Variants in PLEKHA3 observed in about 807,000 individuals in gnomAD.
PLEKHA3 encodes pleckstrin homology domain-containing family A member 3.
A neutral mutation model predicts 39.2 loss-of-function variants in PLEKHA3; 19 were observed. That is an observed-to-expected ratio of 0.48 (90% confidence interval 0.34 to 0.71). PLEKHA3 has a LOEUF of 0.71. Ranked by LOEUF, PLEKHA3 falls within the 30% of genes least tolerant of loss-of-function variation. The probability of loss-of-function intolerance (pLI) is 0.01; values close to 1 mark genes in which losing one functional copy is unlikely to be tolerated. For missense variants in PLEKHA3, 253 were observed against 359.5 expected (o/e 0.70, Z 2.40); for synonymous variants, 97 against 118.6 (o/e 0.82, Z 1.18).
chr2:178,483,291 T>C (rs569012956), intron 1 of PLEKHA3, among the ~76,000 whole-genome samples: 1 of 151,448 alleles, frequency 6.6e-6, no homozygotes, highest in South Asian at 2.1e-4. Flanking sequence ...GAATCCTTTG[T>C]AGAGAGTAAG....
At chr2:178,494,562 A>G (rs115454500) in intron 4 of PLEKHA3, among the ~76,000 whole-genome samples, 695 of 152,250 alleles carry the variant, frequency 4.6e-3, no homozygotes, top group African/African-American at 0.016. Flanking sequence ...TGGGGCAAGA[A>G]ATCTTCCTAT....
At chr2:178,485,833 A>C in intron 2 of PLEKHA3, 76 bp downstream of exon 2, 2 of 1,115,080 alleles carry the variant, frequency 1.8e-6, no homozygotes, top group Non-Finnish European at 2.7e-6. Context: ...AGACGAGGAA[A>C]AAAAGCATTT....
Position 178,512,529 on chromosome 2 carries a change from G to A in PLEKHA3, c.*8642G>A, listed in dbSNP as rs1685705005. On this transcript the variant is annotated 3_prime_UTR_variant, in exon 8 of 8. Coordinates refer to ENST00000234453, the MANE Select transcript of PLEKHA3 (RefSeq NM_019091.4). ...TTACTCACTTAAATCTCAATATAAA[G>A]TATATTGCCAGATCTGGCAGCATGG... The A allele has an allele frequency of 6.6e-6, 1 of 152,272 alleles. No homozygotes were observed. The highest frequency in any genetic ancestry group is 2.4e-5 in the African/African-American group (1 of 41,428). 9.4% of individuals were successfully genotyped at this position (152,272 alleles called of 1,614,324 possible). A position where few individuals can be genotyped will look rare whatever the true frequency, so the allele number is the denominator to read the frequency against.
At chr2:178,503,661 A>T in intron 7 of PLEKHA3, 99 bp from the exon 8 acceptor site, 1 of 1,273,586 alleles carries the variant, frequency 7.9e-7, no homozygotes, top group Non-Finnish European at 1.1e-6. Flanking sequence ...AAGCTAAAGG[A>T]ATTTCATGTC....
rs1420229452 is a variant in PLEKHA3 at position 178,495,438 on chromosome 2, G to A, written c.451-58G>A. The A allele has an allele frequency of 1.3e-5, 20 of 1,483,998 alleles. 1 individual carries two copies. In the East Asian group the frequency reaches 3.9e-4, roughly 29 times the overall value. 91.9% of individuals were successfully genotyped at this position (1,483,998 alleles called of 1,614,324 possible). On this transcript the variant is annotated intron_variant, in intron 4 of 7. Transcript: ENST00000234453. The stretch of plus-strand genomic sequence containing the variant: ...TGTCTTATTATTTAATGATAAGGTT[G>A]TATATGATTCCATGTAGTTGTATGC...
chr2:178,499,367 G>A, intron 6 of PLEKHA3, 113 bp downstream of exon 6: 1 of 965,498 alleles, frequency 1.0e-6, no homozygotes, highest in Non-Finnish European at 1.5e-6. Flanking sequence ...GTTAGGTCTG[G>A]TTCAAAACCA....
chr2:178,502,504 C>T, intron 7 of PLEKHA3: 1 of 231,948 alleles, frequency 4.3e-6, no homozygotes, highest in Non-Finnish European at 9.3e-6. Flanking sequence ...CTCTGATTCT[C>T]TTTATTCTTT....
rs746270871 is a variant in PLEKHA3, at chr2:178,499,227, G to T, written c.632G>T (p.Ser211Ile). The change falls in exon 6 of 8, where the codon AGC (serine) becomes ATC (isoleucine). Residue 211 changes from serine to isoleucine, a missense_variant. Physicochemically the swap from Ser to Ile is moderately radical, Grantham distance 142 (BLOSUM62 -2). Around this residue, in one of 2 missense-constraint regions of PLEKHA3, gnomAD observed 127 missense variants for 136.8 expected, o/e 0.93. Transcript: ENST00000234453. ...AATTTCTAGATGAAGCGTTCTGTCA[G>T]CCACCCTGGTTCTTGCAGTTCAGAG... ...SPVQMMKRSV[S>I]HPGSCSSERS... 6.2e-7 allele frequency: 1 copy of T among 1,608,728 alleles called. No individual in the cohort carries two copies. Among genetic ancestry groups the T allele is most frequent in the Non-Finnish European group, 8.5e-7 (1 of 1,178,006 alleles).
rs910039878 is a variant in PLEKHA3 at position 178,483,208 on chromosome 2, C to G, written c.40+2299C>G. ...TGGGAGGCAGAGGTTACAGTGAGCC[C>G]ACATTGTACCACTGCACTCAAACCT... On this transcript the variant is annotated intron_variant, in intron 1 of 7. Transcript: ENST00000234453. 4.0e-5 allele frequency among the ~76,000 whole-genome samples: 6 copies of G among 151,630 alleles called. No individual in the cohort carries two copies. In the South Asian group the frequency reaches 1.3e-3, roughly 32 times the overall value.
At chr2:178,487,122 A>G (rs1685262734) in intron 2 of PLEKHA3, among the ~76,000 whole-genome samples, 1 of 152,148 alleles carries the variant, frequency 6.6e-6, no homozygotes, top group African/African-American at 2.4e-5. Flanking sequence ...AGTGGAGGGA[A>G]AGTTACTAAA....
rs1303740044 is a variant in PLEKHA3, at chr2:178,509,204, A to G, written c.*5317A>G. The G allele has an allele frequency of 6.6e-6, 1 of 152,184 alleles. No individual in the cohort carries two copies. The highest frequency in any genetic ancestry group is 1.5e-5 in the Non-Finnish European group (1 of 68,038). The allele number at this position is 152,184 out of a possible 1,614,324, so 9.4% of individuals were successfully genotyped here. Reference sequence around the variant, plus strand: ...TTTTGGTGGTTTGGAGGTAGAGGAAATAAATTCATGTGGTTGGTTTGTATG... The same window carrying G: ...TTTTGGTGGTTTGGAGGTAGAGGAAGTAAATTCATGTGGTTGGTTTGTATG... On this transcript the variant is annotated 3_prime_UTR_variant, in exon 8 of 8. Coordinates refer to ENST00000234453, the MANE Select transcript of PLEKHA3 (RefSeq NM_019091.4).
rs898735152 is a variant in PLEKHA3, at chr2:178,506,590, A to G, written c.*2703A>G. 2 of 152,236 alleles carry G rather than the reference A, an allele frequency of 1.3e-5. No homozygotes were observed. The highest frequency in any genetic ancestry group is 2.9e-5 in the Non-Finnish European group (2 of 68,044). The allele number at this position is 152,236 out of a possible 1,614,324, so 9.4% of individuals were successfully genotyped here. A position where few individuals can be genotyped will look rare whatever the true frequency, so the allele number is the denominator to read the frequency against. On this transcript the variant is annotated 3_prime_UTR_variant, in exon 8 of 8. Coordinates refer to ENST00000234453, the MANE Select transcript of PLEKHA3 (RefSeq NM_019091.4). ...TATGTATTATCACATTTAGAAATGT[A>G]AAAATCACAAGATCTCAGGAAATGC... is the stretch of plus-strand genomic sequence containing the variant.
chr2:178,513,278 T>G lies in PLEKHA3; in HGVS notation c.*9391T>G, dbSNP rs1685714194. 6.6e-6 allele frequency: 1 copy of G among 152,274 alleles called. No individual in the cohort carries two copies. Among genetic ancestry groups the G allele is most frequent in the Non-Finnish European group, 1.5e-5 (1 of 68,076 alleles). The allele number at this position is 152,274 out of a possible 1,614,324, so 9.4% of individuals were successfully genotyped here. On this transcript the variant is annotated 3_prime_UTR_variant, in exon 8 of 8. Transcript: ENST00000234453. ...TGCCTGACCTTGTGATCTGCCTGCC[T>G]TGGCCTCCCAGTGTCAGGATCCTGG...
chr2:178,504,452 T>C lies in PLEKHA3; in HGVS notation c.*565T>C, dbSNP rs1375634344. On this transcript the variant is annotated 3_prime_UTR_variant, in exon 8 of 8. Coordinates refer to ENST00000234453, the MANE Select transcript of PLEKHA3 (RefSeq NM_019091.4). Reference sequence around the variant, plus strand: ...GCATCTTTAAATAACCAGACTGTATTGTCCTTCATATGTGAAGTTGACACT... The same window carrying C: ...GCATCTTTAAATAACCAGACTGTATCGTCCTTCATATGTGAAGTTGACACT... 2.6e-5 allele frequency: 4 copies of C among 152,442 alleles called. No individual in the cohort carries two copies. The highest frequency in any genetic ancestry group is 9.7e-5 in the African/African-American group (4 of 41,448). 9.4% of individuals were successfully genotyped at this position (152,442 alleles called of 1,614,324 possible). A position where few individuals can be genotyped will look rare whatever the true frequency, so the allele number is the denominator to read the frequency against.
At chr2:178,494,492 C>T (rs1348026626) in intron 4 of PLEKHA3, among the ~76,000 whole-genome samples, 2 of 149,870 alleles carry the variant, frequency 1.3e-5, no homozygotes, top group Non-Finnish European at 3.0e-5. Flanking sequence ...GTGAGCTATA[C>T]CACTCTCTGG....
chr2:178,515,807 T>C lies in PLEKHA3; in HGVS notation c.*11920T>C, dbSNP rs1174388947. 2.0e-5 allele frequency: 3 copies of C among 152,110 alleles called. No individual in the cohort carries two copies. The highest frequency in any genetic ancestry group is 4.4e-5 in the Non-Finnish European group (3 of 67,976). 9.4% of individuals were successfully genotyped at this position (152,110 alleles called of 1,614,324 possible). A position where few individuals can be genotyped will look rare whatever the true frequency, so the allele number is the denominator to read the frequency against. On this transcript the variant is annotated 3_prime_UTR_variant, in exon 8 of 8. Transcript: ENST00000234453. ...TGACTATCTTAATTATAATTGGCTT[T>C]CCAAAATTTTCACTTTTTTTCAGTT...
intron 1 of PLEKHA3, among the ~76,000 whole-genome samples, chr2:178,482,254 A>G (rs922465610): frequency 1.1e-4 from 16 of 152,136 alleles, no homozygotes; most frequent in Non-Finnish European, 1.3e-4. Context: ...GTTAACTGTT[A>G]AAGACAGTAG....
At position 178,503,128 on chromosome 2, in the gene PLEKHA3, A is replaced by G. The variant is rs75422097; in HGVS notation, c.776-632A>G. 6.1e-3 allele frequency among the ~76,000 whole-genome samples: 925 copies of G among 152,158 alleles called. 45 individuals carry two copies. In the East Asian group the frequency reaches 0.14, roughly 23 times the overall value. On this transcript the variant is annotated intron_variant, in intron 7 of 7. Transcript: ENST00000234453. ...ATGATGGTAAACTCAAACTATATAT[A>G]TAAAGGTACAACTGCCTTAGAACAG...
intron 3 of PLEKHA3, among the ~76,000 whole-genome samples, chr2:178,491,829 T>C (rs1223518533): frequency 2.0e-5 from 3 of 152,078 alleles, no homozygotes; most frequent in African/African-American, 7.2e-5. Context: ...GGTGAGGGCC[T>C]CATGCTGCAT....
Sources: allele counts gnomAD v4.1 joint callset (sites outside exome capture counted in the v4.1 genomes callset), GRCh38; gene constraint gnomAD v4.1.1; regional missense constraint gnomAD v4.1.1; transcripts MANE v1.5; gene names NCBI Gene and HGNC (gene_info 2026-07-23, HGNC 2026-07-21).